LDLRAD3: variants seen among roughly 807,000 people sequenced by gnomAD.
LDLRAD3 encodes the protein low density lipoprotein receptor class A domain containing 3, also known as low-density lipoprotein receptor class A domain-containing protein 3.
A neutral mutation model predicts 29.4 loss-of-function variants in LDLRAD3; 20 were observed. The observed-to-expected ratio is 0.68, with a 90% CI of 0.48 to 0.99. The LOEUF (loss-of-function observed/expected upper bound fraction) is 0.99, where lower values mean the gene tolerates loss of function less well. Ranked by LOEUF, LDLRAD3 falls within the 50% of genes least tolerant of loss-of-function variation. The pLI is 0.00. For missense variants in LDLRAD3, 420 were observed against 454.3 expected (o/e 0.92, Z 0.69); for synonymous variants, 157 against 192.7 (o/e 0.81, Z 1.53).
At chr11:35,951,788 G>A (rs1251384715) in intron 1 of LDLRAD3, among the ~76,000 whole-genome samples, 2 of 152,204 alleles carry the variant, frequency 1.3e-5, no homozygotes, top group African/African-American at 4.8e-5. Flanking sequence ...AACCTGTGTA[G>A]TACCAGCCAT....
intron 2 of LDLRAD3, among the ~76,000 whole-genome samples, chr11:36,045,759 G>A (rs1454799533): frequency 6.8e-6 from 1 of 147,516 alleles, no homozygotes; most frequent in Non-Finnish European, 1.5e-5. Flanking sequence ...ATTTATTTCA[G>A]TAGTTTTTGA....
At chr11:35,988,468 A>G (rs1851642145) in intron 1 of LDLRAD3, among the ~76,000 whole-genome samples, 1 of 152,098 alleles carries the variant, frequency 6.6e-6, no homozygotes, top group Non-Finnish European at 1.5e-5. Flanking sequence ...TGGATATTAG[A>G]CATTTGTGGG....
chr11:36,196,809 T>C (rs1285719378), intron 4 of LDLRAD3: 2 of 152,220 alleles, frequency 1.3e-5, no homozygotes, highest in African/African-American at 4.8e-5. Flanking sequence ...GGATCAGTAA[T>C]GCCTACATGG....
At chr11:36,126,756 A>G (rs1181462017) in intron 4 of LDLRAD3, among the ~76,000 whole-genome samples, 1 of 152,196 alleles carries the variant, frequency 6.6e-6, no homozygotes, top group Admixed American at 6.5e-5. Context: ...TGTGGCTTTA[A>G]TTTCCTTTTT....
At chr11:36,154,377 G>C (rs1854318356) in intron 4 of LDLRAD3, among the ~76,000 whole-genome samples, 1 of 152,170 alleles carries the variant, frequency 6.6e-6, no homozygotes, top group South Asian at 2.1e-4. Flanking sequence ...AGGTGGCACA[G>C]CCTAGGGGCT....
chr11:36,193,523 G>A (rs995652177), intron 4 of LDLRAD3, among the ~76,000 whole-genome samples: 6 of 152,206 alleles, frequency 3.9e-5, no homozygotes, highest in Non-Finnish European at 8.8e-5. Context: ...TGCACGCTGA[G>A]ATGTGTGCTT....
intron 4 of LDLRAD3, among the ~76,000 whole-genome samples, chr11:36,104,355 A>G (rs2133280258): frequency 6.6e-6 from 1 of 151,758 alleles, no homozygotes; most frequent in East Asian, 1.9e-4. Flanking sequence ...GGGTGTGGCC[A>G]CTCCTGGGTT....
At chr11:36,177,038 A>G (rs1345245026) in intron 4 of LDLRAD3, among the ~76,000 whole-genome samples, 1 of 151,056 alleles carries the variant, frequency 6.6e-6, no homozygotes, top group Non-Finnish European at 1.5e-5. Flanking sequence ...TCTTTGTCAG[A>G]TTGGGTTAAT....
intron 4 of LDLRAD3, among the ~76,000 whole-genome samples, chr11:36,146,436 A>G (rs546212146): frequency 3.0e-4 from 46 of 152,294 alleles, no homozygotes; most frequent in Middle Eastern, 3.4e-3. Flanking sequence ...TCCTGTAAAG[A>G]GCTATATAAG....
chr11:36,080,159 T>C (rs1345872973), intron 2 of LDLRAD3, among the ~76,000 whole-genome samples: 1 of 152,220 alleles, frequency 6.6e-6, no homozygotes, highest in Non-Finnish European at 1.5e-5. Context: ...CCCTTCCTTC[T>C]TGGAGGACCA....
At chr11:36,005,945 G>A (rs1851879891) in intron 1 of LDLRAD3, among the ~76,000 whole-genome samples, 1 of 152,126 alleles carries the variant, frequency 6.6e-6, no homozygotes, top group South Asian at 2.1e-4. Flanking sequence ...GCAGCAAGGG[G>A]GAAATCCATC....
At chr11:36,049,728 A>G (rs1014245476) in intron 2 of LDLRAD3, among the ~76,000 whole-genome samples, 1 of 152,232 alleles carries the variant, frequency 6.6e-6, no homozygotes. Flanking sequence ...TCCATGTTCT[A>G]TAGCACTGCA....
chr11:36,080,468 A>T (rs1853096709), intron 2 of LDLRAD3, among the ~76,000 whole-genome samples: 1 of 152,198 alleles, frequency 6.6e-6, no homozygotes, highest in South Asian at 2.1e-4. Context: ...GAGAGAGGCA[A>T]TGCTGTTGAG....
At chr11:36,226,111 G>A (rs1855495387) in intron 4 of LDLRAD3, among the ~76,000 whole-genome samples, 1 of 151,768 alleles carries the variant, frequency 6.6e-6, no homozygotes, top group East Asian at 1.9e-4. Flanking sequence ...TCATGTACTT[G>A]TATGTACCGA....
rs752632216 is a variant in LDLRAD3, at chr11:36,044,316, T to C, written c.193+8067T>C. Among the ~76,000 whole-genome samples the C allele has an allele frequency of 2.0e-5, 3 of 152,138 alleles. No individual in the cohort carries two copies. The South Asian group carries it at 6.2e-4, about 32-fold the overall frequency. On this transcript the variant is annotated intron_variant, in intron 2 of 5. Coordinates refer to ENST00000315571, the MANE Select transcript of LDLRAD3 (RefSeq NM_174902.4). ...GAAAGGACTGGATTTAAACAATAGG[T>C]ACTGTTTCCTGGTGCAGAGAAGGTG... is the stretch of plus-strand genomic sequence containing the variant.
intron 2 of LDLRAD3, among the ~76,000 whole-genome samples, chr11:36,081,149 A>G (rs1316434810): frequency 1.3e-5 from 2 of 152,174 alleles, no homozygotes; most frequent in Admixed American, 6.5e-5. Context: ...TAAGCGTAGC[A>G]GTTGCGGTTC....
At chr11:36,156,001 A>G (rs904556) in intron 4 of LDLRAD3, among the ~76,000 whole-genome samples, 89,543 of 152,088 alleles carry the variant, frequency 0.59, 29,206 homozygotes, top group East Asian at 0.94. Context: ...GTTCTGCCTC[A>G]CCATTTCTTT....
At chr11:36,054,529 A>G (rs1233986883) in intron 2 of LDLRAD3, among the ~76,000 whole-genome samples, 2 of 152,366 alleles carry the variant, frequency 1.3e-5, no homozygotes, top group Non-Finnish European at 2.9e-5. Flanking sequence ...CTAAATAGAA[A>G]CATGCCCTCT....
At chr11:36,125,158 G>A (rs11033442) in intron 4 of LDLRAD3, among the ~76,000 whole-genome samples, 10,050 of 152,152 alleles carry the variant, frequency 0.066, 618 homozygotes, top group East Asian at 0.34. Flanking sequence ...TTATGATTGT[G>A]GGTCTGCACT....
Sources: gnomAD v4.1 joint callset for allele counts (sites outside exome capture counted in the v4.1 genomes callset) on GRCh38, gnomAD v4.1.1 for gene constraint, MANE v1.5 for transcripts, NCBI Gene and HGNC (gene_info 2026-07-23, HGNC 2026-07-21) for gene names.